Variants in SEH1L observed in about 807,000 individuals in gnomAD.
SEH1L encodes nucleoporin SEH1.
In SEH1L, 18 loss-of-function variants were observed where a neutral mutation model predicts 49.5. The observed-to-expected ratio is 0.36, with a 90% CI of 0.25 to 0.54. The LOEUF (loss-of-function observed/expected upper bound fraction) is 0.54. Among genes scored for constraint, SEH1L ranks in the 20% least tolerant of loss-of-function variants. The probability of loss-of-function intolerance (pLI) is 0.87; values close to 1 mark genes in which losing one functional copy is unlikely to be tolerated. For missense variants in SEH1L, 404 were observed against 528.8 expected (o/e 0.76, Z 2.31); for synonymous variants, 169 against 178.1 (o/e 0.95, Z 0.41).
At chr18:12,980,522 C>CA (rs1568229362) in intron 6 of SEH1L, among the ~76,000 whole-genome samples, 2 of 64,188 alleles carry the variant, frequency 3.1e-5, no homozygotes, top group East Asian at 7.8e-4. Flanking sequence ...GGGGGGCTGA[C>CA]CCCCCCACCT....
At chr18:12,968,411 G>C (rs1472243253) in intron 4 of SEH1L, among the ~76,000 whole-genome samples, 1 of 152,168 alleles carries the variant, frequency 6.6e-6, no homozygotes, top group African/African-American at 2.4e-5. Flanking sequence ...GTTGGTTTTG[G>C]AGTGCTCCTT....
At chr18:12,964,175 CTG>C (rs908986993) in intron 4 of SEH1L, among the ~76,000 whole-genome samples, 1 of 152,038 alleles carries the variant, frequency 6.6e-6, no homozygotes, top group Non-Finnish European at 1.5e-5. Flanking sequence ...TTTTATTAAA[CTG>C]TTTTTAAACA....
intron 5 of SEH1L, chr18:12,975,687 C>T: frequency 2.0e-6 from 2 of 985,430 alleles, no homozygotes; most frequent in Non-Finnish European, 2.4e-6. Flanking sequence ...AGCATTTGGA[C>T]TTTTGCAGGG....
At chr18:12,948,278 G>C (rs2030240756) in intron 1 of SEH1L, 46 bp downstream of exon 1, 1 of 1,424,138 alleles carries the variant, frequency 7.0e-7, no homozygotes, top group African/African-American at 1.4e-5. Flanking sequence ...AAGGAAGGAA[G>C]GGGAGTGGGT....
chr18:12,981,375 C>T (rs553229479), intron 6 of SEH1L, among the ~76,000 whole-genome samples: 42 of 152,194 alleles, frequency 2.8e-4, no homozygotes, highest in Admixed American at 8.5e-4. Flanking sequence ...GAGGTTGTAG[C>T]GAGCCGAGAT....
At position 12,984,258 on chromosome 18, in the gene SEH1L, G is replaced by A. The variant is rs746645650; in HGVS notation, c.1070+68G>A. ...AATCATTCTGGTAGCCATACTTAAG[G>A]TGGATTATTTCATGGATTATAAGAT... is the stretch of plus-strand genomic sequence containing the variant. On this transcript the variant is annotated intron_variant, in intron 8 of 8. Transcript: ENST00000399892. 3 of 1,484,374 alleles carry A rather than the reference G, an allele frequency of 2.0e-6. 1 individual carries two copies. In the South Asian group the frequency reaches 3.5e-5, roughly 17 times the overall value. The allele number at this position is 1,484,374 out of a possible 1,614,324, so 92.0% of individuals were successfully genotyped here.
At position 12,948,169 on chromosome 18, in the gene SEH1L, C is replaced by T. The variant is rs779053029; in HGVS notation, c.48C>T (p.His16=). 7 of 1,611,730 alleles carry T rather than the reference C, an allele frequency of 4.3e-6. No homozygotes were observed. The East Asian group carries it at 1.3e-4, about 31-fold the overall frequency. Residue 16 remains histidine (H), a synonymous_variant, in exon 1 of 9, where the codon CAC becomes CAT. Coordinates refer to ENST00000399892, the MANE Select transcript of SEH1L (RefSeq NM_001013437.2). ...SIAADHKDLI[H]DVSFDFHGRR... ...CGGCGGACCACAAGGATCTCATCCA[C>T]GATGTCTCTTTCGACTTCCACGGGC...
chr18:12,987,165 T>A lies in SEH1L; in HGVS notation c.*108T>A, dbSNP rs2032497966. The A allele has an allele frequency of 3.7e-6, 3 of 804,848 alleles. No individual in the cohort carries two copies. Among genetic ancestry groups the A allele is most frequent in the Non-Finnish European group, 5.8e-6 (3 of 517,308 alleles). 49.9% of individuals were successfully genotyped at this position (804,848 alleles called of 1,614,324 possible). ...TTCAGAAGATTTTTCTAACTTAGGG[T>A]CTGTCTTGCATGTATTACAACCAGA... On this transcript the variant is annotated 3_prime_UTR_variant, in exon 9 of 9. Transcript: ENST00000399892.
intron 4 of SEH1L, among the ~76,000 whole-genome samples, chr18:12,969,303 C>A (rs891226209): frequency 6.7e-5 from 10 of 148,314 alleles, no homozygotes; most frequent in African/African-American, 2.5e-4. Flanking sequence ...GTGGTGCACA[C>A]CTGGAATCCC....
chr18:12,949,035 T>TGTG (rs2030320735), intron 1 of SEH1L, among the ~76,000 whole-genome samples: 1 of 151,250 alleles, frequency 6.6e-6, no homozygotes, highest in African/African-American at 2.4e-5. Flanking sequence ...TTTTTTTGTA[T>TGTG]TTTTTAGTAG....
intron 6 of SEH1L, among the ~76,000 whole-genome samples, chr18:12,981,695 TATAA>T (rs1203280942): frequency 1.3e-5 from 2 of 152,172 alleles, no homozygotes; most frequent in African/African-American, 4.8e-5. Flanking sequence ...ACTGATAATC[TATAA>T]ATATTTAATG....
intron 2 of SEH1L, among the ~76,000 whole-genome samples, chr18:12,952,526 G>A (rs1293954036): frequency 1.3e-5 from 2 of 152,042 alleles, no homozygotes; most frequent in Non-Finnish European, 1.5e-5. Context: ...CACTGTGCCC[G>A]GCCAAGTAGA....
At chr18:12,955,438 T>C (rs766618034) in intron 2 of SEH1L, 25 bp from the exon 3 acceptor site, 1 of 1,523,836 alleles carries the variant, frequency 6.6e-7, no homozygotes, top group South Asian at 1.2e-5. Flanking sequence ...ATCTGTTCTT[T>C]TCTTTTTTTT....
chr18:12,986,055 G>A, intron 8 of SEH1L: 1 of 981,120 alleles, frequency 1.0e-6, no homozygotes, highest in Non-Finnish European at 1.2e-6. Context: ...ATCAAAATTT[G>A]GACACACACT....
In SEH1L at chr18:12,969,149, C is replaced by T. The variant is rs542030987; in HGVS notation, c.522-2004C>T. 5.4e-5 allele frequency among the ~76,000 whole-genome samples: 7 copies of T among 130,070 alleles called. No individual in the cohort carries two copies. In the East Asian group the frequency reaches 7.1e-4, roughly 13 times the overall value. The allele number at this position is 130,070 out of a possible 152,430, so 85.3% of individuals were successfully genotyped here. ...CATTGAACCTGGGAGGTAGAGGTTG[C>T]GGTGAGCTGAAATCACGCCATTGCA... On this transcript the variant is annotated intron_variant, in intron 4 of 8. Coordinates refer to ENST00000399892, the MANE Select transcript of SEH1L (RefSeq NM_001013437.2).
chr18:12,955,673 A>T, intron 3 of SEH1L, 64 bp downstream of exon 3: 4 of 1,540,124 alleles, frequency 2.6e-6, no homozygotes, highest in Non-Finnish European at 3.6e-6. Context: ...CATTCATCCG[A>T]AGGCTACCTC....
rs1200605757 is a variant in SEH1L at position 12,975,786 on chromosome 18, C to T, written c.621-2966C>T. ...GGGAGCAGGAACTCAGGGATGAATG[C>T]AGTAGCCCACTATGATGTGGAATGA... On this transcript the variant is annotated intron_variant, in intron 5 of 8. Transcript: ENST00000399892. 4.1e-6 allele frequency: 4 copies of T among 986,854 alleles called. No homozygotes were observed. The African/African-American group carries it at 5.2e-5, about 13-fold the overall frequency. 61.1% of individuals were successfully genotyped at this position (986,854 alleles called of 1,614,324 possible). A position where few individuals can be genotyped will look rare whatever the true frequency, so the allele number is the denominator to read the frequency against.
At chr18:12,985,815 T>C in intron 8 of SEH1L, 1 of 939,936 alleles carries the variant, frequency 1.1e-6, no homozygotes, top group Middle Eastern at 5.4e-4. Context: ...TTAAAAAATA[T>C]TAGTAAAGGA....
At chr18:12,952,891 C>T (rs1212743508) in intron 2 of SEH1L, among the ~76,000 whole-genome samples, 3 of 151,454 alleles carry the variant, frequency 2.0e-5, no homozygotes, top group African/African-American at 2.4e-5. Context: ...AAGCGATTCT[C>T]CTGCCTCAGC....
Sources: allele counts gnomAD v4.1 joint callset (sites outside exome capture counted in the v4.1 genomes callset), GRCh38; gene constraint gnomAD v4.1.1; transcripts MANE v1.5; gene names NCBI Gene and HGNC (gene_info 2026-07-23, HGNC 2026-07-21).